TAFA1: variants seen among roughly 807,000 people sequenced by gnomAD.
TAFA1 encodes chemokine-like protein TAFA-1.
In TAFA1, 4 loss-of-function variants were observed where a neutral mutation model predicts 18.5. The ratio of observed to expected loss-of-function variants is 0.22; its 90% CI spans 0.11 to 0.49. The LOEUF (loss-of-function observed/expected upper bound fraction) is 0.49, where lower values mean the gene tolerates loss of function less well. Ranked by LOEUF, TAFA1 falls within the 20% of genes least tolerant of loss-of-function variation. The pLI is 0.98. For missense variants in TAFA1, 147 were observed against 169.0 expected, an observed-to-expected ratio of 0.87 and a Z score of 0.72; for synonymous variants, 56 against 55.2, an observed-to-expected ratio of 1.01 and a Z score of -0.06.
chr3:68,266,773 C>T (rs973012183), intron 2 of TAFA1, among the ~76,000 whole-genome samples: 4 of 152,130 alleles, frequency 2.6e-5, no homozygotes, highest in African/African-American at 9.7e-5. Flanking sequence ...AGCTCTGGCT[C>T]AGCAGTTAAC....
intron 2 of TAFA1, among the ~76,000 whole-genome samples, chr3:68,396,418 T>A (rs1236912746): frequency 6.6e-6 from 1 of 152,124 alleles, no homozygotes; most frequent in Admixed American, 6.6e-5. Context: ...CTGTCCCAAC[T>A]TCTAGCACTA....
chr3:68,150,917 A>G (rs1372868151), intron 2 of TAFA1, among the ~76,000 whole-genome samples: 1 of 152,132 alleles, frequency 6.6e-6, no homozygotes, highest in Non-Finnish European at 1.5e-5. Context: ...AGAGTGTTGC[A>G]CAGTCAATTT....
intron 2 of TAFA1, among the ~76,000 whole-genome samples, chr3:68,052,978 A>G (rs2064490458): frequency 6.6e-6 from 1 of 152,218 alleles, no homozygotes; most frequent in Non-Finnish European, 1.5e-5. Context: ...TTTGCCTTGC[A>G]TTGGACAGGA....
chr3:68,485,205 A>G (rs776246351), intron 3 of TAFA1, among the ~76,000 whole-genome samples: 2 of 152,148 alleles, frequency 1.3e-5, no homozygotes, highest in Admixed American at 6.5e-5. Flanking sequence ...TTGGTGGTCA[A>G]CTGCACTACC....
chr3:68,259,423 C>G (rs527352504), intron 2 of TAFA1, among the ~76,000 whole-genome samples: 5 of 152,232 alleles, frequency 3.3e-5, no homozygotes, highest in Admixed American at 2.6e-4. Context: ...GATGCGGGCT[C>G]TTTTTTGGTT....
chr3:68,398,100 C>T (rs2106736874), intron 2 of TAFA1, among the ~76,000 whole-genome samples: 1 of 152,192 alleles, frequency 6.6e-6, no homozygotes, highest in South Asian at 2.1e-4. Context: ...AAAAAAAGAG[C>T]CCGTATAGCC....
chr3:68,415,566 ATATGT>A (rs1279570539), intron 2 of TAFA1, among the ~76,000 whole-genome samples: 1 of 152,084 alleles, frequency 6.6e-6, no homozygotes, highest in African/African-American at 2.4e-5. Flanking sequence ...AAGACAGAAA[ATATGT>A]TATTTATATC....
intron 2 of TAFA1, among the ~76,000 whole-genome samples, chr3:68,293,016 T>A (rs148898025): frequency 4.0e-5 from 6 of 150,020 alleles, no homozygotes; most frequent in African/African-American, 1.5e-4. Flanking sequence ...GTACCTTTTT[T>A]AGACTGTTAG....
At chr3:68,417,226 G>A (rs545742482) in intron 2 of TAFA1, 54 bp from the exon 3 acceptor site, 196 of 1,547,552 alleles carry the variant, frequency 1.3e-4, no homozygotes, top group East Asian at 2.5e-4. Flanking sequence ...CCAGGGGCTC[G>A]AATAGTCACT....
chr3:68,237,552 G>A (rs1016627748), intron 2 of TAFA1, among the ~76,000 whole-genome samples: 3 of 152,138 alleles, frequency 2.0e-5, no homozygotes, highest in African/African-American at 7.2e-5. Flanking sequence ...ATGAATTCAT[G>A]TTTTCATGAA....
chr3:67,991,842 A>G, the TAFA1 span, among the ~76,000 whole-genome samples: 1 of 152,202 alleles, frequency 6.6e-6, no homozygotes, highest in Non-Finnish European at 1.5e-5. Context: ...TCATATGTCT[A>G]TCTATGTCTA....
chr3:68,340,967 G>A (rs1353922360), intron 2 of TAFA1, among the ~76,000 whole-genome samples: 1 of 152,156 alleles, frequency 6.6e-6, no homozygotes, highest in Admixed American at 6.5e-5. Context: ...AAGCCTTCCT[G>A]GAAGAGATAG....
At chr3:68,123,379 G>A (rs1473738536) in intron 2 of TAFA1, among the ~76,000 whole-genome samples, 1 of 152,096 alleles carries the variant, frequency 6.6e-6, no homozygotes, top group Non-Finnish European at 1.5e-5. Flanking sequence ...CACGGATGAA[G>A]GACACTGAAG....
At chr3:68,127,244 G>A (rs1022397825) in intron 2 of TAFA1, among the ~76,000 whole-genome samples, 2 of 152,112 alleles carry the variant, frequency 1.3e-5, no homozygotes, top group African/African-American at 4.8e-5. Flanking sequence ...AAGAGAATGA[G>A]TCTTGTTTAA....
chr3:68,206,598 T>C (rs1251644390), intron 2 of TAFA1, among the ~76,000 whole-genome samples: 2 of 151,950 alleles, frequency 1.3e-5, no homozygotes, highest in African/African-American at 4.8e-5. Context: ...TCAGGCACAG[T>C]TGGATTCATT....
At chr3:68,383,776 T>C (rs1034633267) in intron 2 of TAFA1, among the ~76,000 whole-genome samples, 1 of 152,140 alleles carries the variant, frequency 6.6e-6, no homozygotes, top group Non-Finnish European at 1.5e-5. Flanking sequence ...TTTTTATATC[T>C]GGTAGTATTC....
At chr3:68,081,192 G>T (rs2064894204) in intron 2 of TAFA1, among the ~76,000 whole-genome samples, 1 of 152,034 alleles carries the variant, frequency 6.6e-6, no homozygotes, top group South Asian at 2.1e-4. Context: ...CTTTGTATTG[G>T]TTATTGTAGT....
chr3:68,250,452 C>T (rs537382524), intron 2 of TAFA1, among the ~76,000 whole-genome samples: 2 of 152,262 alleles, frequency 1.3e-5, no homozygotes, highest in East Asian at 1.9e-4. Context: ...TCAGATTACT[C>T]CTGGCTCAGC....
chr3:68,286,729 A>C (rs756659017), intron 2 of TAFA1, among the ~76,000 whole-genome samples: 9 of 152,222 alleles, frequency 5.9e-5, no homozygotes, highest in Admixed American at 2.0e-4. Flanking sequence ...TCCCAGAGGA[A>C]TATGAGGAGA....
Sources: gnomAD v4.1 joint callset for allele counts (sites outside exome capture counted in the v4.1 genomes callset) on GRCh38, gnomAD v4.1.1 for gene constraint, MANE v1.5 for transcripts, NCBI Gene and HGNC (gene_info 2026-07-23, HGNC 2026-07-21) for gene names.